Variants in GPC5 observed in about 807,000 individuals in gnomAD.
The protein encoded by GPC5 is glypican-5.
GPC5 carries 47 observed loss-of-function variants against 53.9 expected under a neutral mutation model. The ratio of observed to expected loss-of-function variants is 0.87; its 90% CI spans 0.69 to 1.11. The LOEUF (loss-of-function observed/expected upper bound fraction) is 1.11, where lower values mean the gene tolerates loss of function less well. Among genes scored for constraint, GPC5 ranks in the 50% most tolerant of loss-of-function variants. The pLI is 0.00. For missense variants in GPC5, 748 were observed against 713.1 expected, an observed-to-expected ratio of 1.05 and a Z score of -0.56; for synonymous variants, 286 against 263.3, an observed-to-expected ratio of 1.09 and a Z score of -0.84.
intron 3 of GPC5, among the ~76,000 whole-genome samples, chr13:91,721,063 CCCTTTCTTTCTTT>C (rs2036453020): frequency 6.8e-6 from 1 of 147,180 alleles, no homozygotes; most frequent in African/African-American, 2.5e-5. Flanking sequence ...TTCCTTCCTT[CCCTTTCTTTCTTT>C]CTTTCTTTCT....
chr13:92,583,706 G>A (rs1387605178), intron 7 of GPC5, among the ~76,000 whole-genome samples: 1 of 152,160 alleles, frequency 6.6e-6, no homozygotes, highest in Admixed American at 6.5e-5. Flanking sequence ...ATAAGTTCTG[G>A]AATAGTTTCC....
chr13:92,099,524 C>T (rs892035343), intron 6 of GPC5, among the ~76,000 whole-genome samples: 1 of 152,248 alleles, frequency 6.6e-6, no homozygotes, highest in African/African-American at 2.4e-5. Context: ...CCCTTCATTG[C>T]CAGATGGAAC....
intron 7 of GPC5, among the ~76,000 whole-genome samples, chr13:92,328,416 A>G (rs2043266791): frequency 6.6e-6 from 1 of 152,190 alleles, no homozygotes; most frequent in Non-Finnish European, 1.5e-5. Flanking sequence ...CTAAGAGAAC[A>G]AGTAAGAAAG....
At chr13:92,307,703 C>T (rs2043119726) in intron 7 of GPC5, among the ~76,000 whole-genome samples, 1 of 152,054 alleles carries the variant, frequency 6.6e-6, no homozygotes, top group Non-Finnish European at 1.5e-5. Flanking sequence ...CTGCAACAAA[C>T]CTCTCCTGAA....
intron 2 of GPC5, among the ~76,000 whole-genome samples, chr13:91,632,455 T>C (rs2034182507): frequency 6.6e-6 from 1 of 152,152 alleles, no homozygotes; most frequent in South Asian, 2.1e-4. Context: ...GTATTCTGAA[T>C]GTGTTTATTT....
chr13:92,111,734 A>T (rs1056458673), intron 6 of GPC5, among the ~76,000 whole-genome samples: 2 of 152,180 alleles, frequency 1.3e-5, no homozygotes, highest in African/African-American at 4.8e-5. Context: ...GTTGTAAAAA[A>T]CTAGCAAATT....
intron 7 of GPC5, among the ~76,000 whole-genome samples, chr13:92,350,921 T>A (rs78501759): frequency 0.032 from 4,838 of 152,028 alleles, 160 homozygotes; most frequent in African/African-American, 0.087. Context: ...ACACAAACAC[T>A]GGAAACAAGG....
At chr13:91,642,833 G>A (rs1487882931) in intron 2 of GPC5, among the ~76,000 whole-genome samples, 1 of 151,986 alleles carries the variant, frequency 6.6e-6, no homozygotes, top group African/African-American at 2.4e-5. Flanking sequence ...CTAGTGCATG[G>A]GTCTTGGGGA....
At chr13:91,492,433 G>A (rs1883990214) in intron 2 of GPC5, among the ~76,000 whole-genome samples, 1 of 152,172 alleles carries the variant, frequency 6.6e-6, no homozygotes, top group African/African-American at 2.4e-5. Context: ...AGAATCTGGG[G>A]TGGGGAAGGG....
chr13:92,236,827 G>A (rs1044772586), intron 7 of GPC5, among the ~76,000 whole-genome samples: 3 of 147,114 alleles, frequency 2.0e-5, no homozygotes, highest in African/African-American at 5.1e-5. Flanking sequence ...TGTTCACAGG[G>A]TTCTATATAT....
At chr13:92,288,741 T>C (rs1001674068) in intron 7 of GPC5, among the ~76,000 whole-genome samples, 3 of 152,174 alleles carry the variant, frequency 2.0e-5, no homozygotes, top group South Asian at 4.1e-4. Context: ...CAAAACACTT[T>C]TGTTATCAAA....
chr13:92,204,147 C>G (rs2139064768), intron 7 of GPC5, among the ~76,000 whole-genome samples: 1 of 152,090 alleles, frequency 6.6e-6, no homozygotes, highest in Middle Eastern at 3.4e-3. Flanking sequence ...CTATTAAATA[C>G]TAAAGGGATT....
intron 6 of GPC5, among the ~76,000 whole-genome samples, chr13:91,959,923 T>A (rs2040111274): frequency 6.6e-6 from 1 of 151,898 alleles, no homozygotes; most frequent in Non-Finnish European, 1.5e-5. Flanking sequence ...AGCAAGTTTT[T>A]AACTAGGCAT....
intron 1 of GPC5, among the ~76,000 whole-genome samples, chr13:91,411,756 T>C (rs1566372443): frequency 6.6e-6 from 1 of 152,230 alleles, no homozygotes; most frequent in Non-Finnish European, 1.5e-5. Flanking sequence ...CTGCTCTTTA[T>C]AAAAATTTTA....
At chr13:92,275,007 T>A (rs2042865510) in intron 7 of GPC5, among the ~76,000 whole-genome samples, 1 of 152,096 alleles carries the variant, frequency 6.6e-6, no homozygotes, top group Non-Finnish European at 1.5e-5. Flanking sequence ...ATAGAGACTA[T>A]CTTACAGAAA....
intron 7 of GPC5, among the ~76,000 whole-genome samples, chr13:92,162,979 T>TA (rs2042001056): frequency 6.6e-6 from 1 of 152,092 alleles, no homozygotes; most frequent in Admixed American, 6.5e-5. Flanking sequence ...TATGAGCTTC[T>TA]AAAAAATCAT....
chr13:91,455,979 T>C (rs1052832435), intron 2 of GPC5, among the ~76,000 whole-genome samples: 1 of 152,144 alleles, frequency 6.6e-6, no homozygotes, highest in East Asian at 1.9e-4. Flanking sequence ...TTTTTGCAAG[T>C]CTTTTTCAGC....
At chr13:92,432,989 C>A (rs923990972) in intron 7 of GPC5, among the ~76,000 whole-genome samples, 2 of 151,980 alleles carry the variant, frequency 1.3e-5, no homozygotes, top group African/African-American at 4.8e-5. Context: ...GAGAAGAATG[C>A]AAAGGACTAT....
chr13:92,370,859 T>C (rs534347430), intron 7 of GPC5, among the ~76,000 whole-genome samples: 1 of 152,252 alleles, frequency 6.6e-6, no homozygotes, highest in South Asian at 2.1e-4. Context: ...GTAAAGATCT[T>C]CTTGGCTGGG....
Sources: allele counts gnomAD v4.1 joint callset (sites outside exome capture counted in the v4.1 genomes callset), GRCh38; gene constraint gnomAD v4.1.1; transcripts MANE v1.5; gene names NCBI Gene and HGNC (gene_info 2026-07-23, HGNC 2026-07-21).